The following CHL1 variants were observed in gnomAD, a reference collection of about 807,000 sequenced individuals.
The protein encoded by CHL1 is cell adhesion molecule L1 like, also known as neural cell adhesion molecule L1-like protein.
In CHL1, 96 loss-of-function variants were observed where a neutral mutation model predicts 141.9. The observed-to-expected ratio is 0.68, with a 90% CI of 0.57 to 0.80. The LOEUF (loss-of-function observed/expected upper bound fraction) is 0.80. Among genes scored for constraint, CHL1 ranks in the 30% least tolerant of loss-of-function variants. The pLI is 0.00. For synonymous variants in CHL1, 613 were observed against 502.2 expected, an observed-to-expected ratio of 1.22 and a Z score of -2.95; for missense variants, 1,820 against 1,457.2, an observed-to-expected ratio of 1.25 and a Z score of -4.05.
chr3:234,461 G>C (rs1691747009), intron 1 of CHL1, among the ~76,000 whole-genome samples: 2 of 152,100 alleles, frequency 1.3e-5, no homozygotes, highest in Admixed American at 6.6e-5. Flanking sequence ...TAGTTATCAA[G>C]ACTAAAATAC....
intron 1 of CHL1, among the ~76,000 whole-genome samples, chr3:229,636 T>C (rs139778108): frequency 6.6e-6 from 1 of 152,262 alleles, no homozygotes; most frequent in East Asian, 1.9e-4. Context: ...TTCCACATAA[T>C]AGCTTAGTTC....
In CHL1 at chr3:234,224, T is replaced by C. The variant is rs549626924; in HGVS notation, c.-174-10389T>C. Among the ~76,000 whole-genome samples, 4 of 151,522 alleles carry C rather than the reference T, an allele frequency of 2.6e-5. No homozygotes were observed. The East Asian group carries it at 7.8e-4, about 29-fold the overall frequency. On this transcript the variant is annotated intron_variant, in intron 1 of 27. Transcript: ENST00000256509. Reference sequence around the variant, plus strand: ...ATATATATATGTATATATGTATGTATGTATACATATATATTTGTATTTTAC... The same window carrying C: ...ATATATATATGTATATATGTATGTACGTATACATATATATTTGTATTTTAC...
intron 2 of CHL1, among the ~76,000 whole-genome samples, chr3:314,967 A>G (rs190251406): frequency 6.6e-6 from 1 of 152,218 alleles, no homozygotes. Flanking sequence ...AGAGTATTTT[A>G]TATCAATCAA....
chr3:266,693 GC>G (rs1417298073), intron 2 of CHL1, among the ~76,000 whole-genome samples: 1 of 152,168 alleles, frequency 6.6e-6, no homozygotes. Context: ...AGCAAATAAA[GC>G]AAGAGCAAAT....
Position 242,193 on chromosome 3 carries a change from A to G in CHL1, c.-174-2420A>G, listed in dbSNP as rs556420262. Among the ~76,000 whole-genome samples, 5 of 152,264 alleles carry G rather than the reference A, an allele frequency of 3.3e-5. No homozygotes were observed. The East Asian group carries it at 5.8e-4, about 18-fold the overall frequency. ...TACATGTGTGTGTATGTATATATAT[A>G]TGTGTGTGTATATATTTCCATATTT... On this transcript the variant is annotated intron_variant, in intron 1 of 27. Coordinates refer to ENST00000256509, the MANE Select transcript of CHL1 (RefSeq NM_006614.4).
chr3:359,731 G>GA (rs1486586367), intron 11 of CHL1, among the ~76,000 whole-genome samples: 1 of 152,158 alleles, frequency 6.6e-6, no homozygotes, highest in Non-Finnish European at 1.5e-5. Flanking sequence ...GTCTTCCTGG[G>GA]AAAATGAAAT....
In CHL1 at chr3:401,535, TCTTA is replaced by T. The variant is rs1709136578; in HGVS notation, c.3386-88_3386-85del. 6 of 736,054 alleles carry T rather than the reference TCTTA, an allele frequency of 8.2e-6. No individual in the cohort carries two copies. In the Admixed American group the frequency reaches 1.6e-4, roughly 19 times the overall value. The allele number at this position is 736,054 out of a possible 1,614,324, so 45.6% of individuals were successfully genotyped here. A position where few individuals can be genotyped will look rare whatever the true frequency, so the allele number is the denominator to read the frequency against. On this transcript the variant is annotated intron_variant, in intron 26 of 27. Coordinates refer to ENST00000256509, the MANE Select transcript of CHL1 (RefSeq NM_006614.4). ...TATCAAAACATTTGAGCAATGCTGT[TCTTA>T]CTGACTATTAACTATTCCACAGCAC...
chr3:360,521 TGGAG>T, intron 12 of CHL1, 97 bp downstream of exon 12: 1 of 1,224,190 alleles, frequency 8.2e-7, no homozygotes, highest in Non-Finnish European at 1.1e-6. Flanking sequence ...ACATAATATA[TGGAG>T]GGAAAAATCA....
At chr3:360,150 A>G (rs1018095396) in intron 11 of CHL1, 134 bp from the exon 12 acceptor site, 8 of 868,876 alleles carry the variant, frequency 9.2e-6, no homozygotes, top group Non-Finnish European at 1.4e-5. Flanking sequence ...AACCTAAAGA[A>G]TTGGCTTCAA....
intron 4 of CHL1, 108 bp downstream of exon 4, chr3:326,172 A>T (rs1301167726): frequency 1.5e-6 from 1 of 646,262 alleles, no homozygotes; most frequent in Admixed American, 3.3e-5. Flanking sequence ...ACGCATGATT[A>T]AAGCTAAGGG....
intron 27 of CHL1, among the ~76,000 whole-genome samples, chr3:402,136 T>A (rs1331845122): frequency 6.6e-6 from 1 of 152,204 alleles, no homozygotes; most frequent in East Asian, 1.9e-4. Flanking sequence ...AAATATCCTA[T>A]ATATGCAAAT....
At chr3:215,140 A>C (rs162733) in intron 1 of CHL1, among the ~76,000 whole-genome samples, 1 of 151,902 alleles carries the variant, frequency 6.6e-6, no homozygotes, top group East Asian at 1.9e-4. Flanking sequence ...CATTATTTAC[A>C]ATAGCCAAGA....
intron 2 of CHL1, among the ~76,000 whole-genome samples, chr3:252,399 T>TATATATATA (rs1693789458): frequency 7.0e-6 from 1 of 143,388 alleles, no homozygotes; most frequent in African/African-American, 2.5e-5. Context: ...TATATATATA[T>TATATATATA]ATTTCTATTT....
chr3:371,892 T>C (rs149687872), intron 15 of CHL1, among the ~76,000 whole-genome samples: 1 of 152,206 alleles, frequency 6.6e-6, no homozygotes, highest in African/African-American at 2.4e-5. Context: ...TATGAAATTC[T>C]GGGCTGAAAA....
chr3:326,158 A>C (rs554682571), intron 4 of CHL1, 94 bp downstream of exon 4: 1 of 706,746 alleles, frequency 1.4e-6, no homozygotes, highest in Admixed American at 2.9e-5. Flanking sequence ...TGGACTATGA[A>C]TCCACGCATG....
chr3:350,649 A>C (rs144970736), intron 10 of CHL1, among the ~76,000 whole-genome samples: 6 of 151,920 alleles, frequency 3.9e-5, no homozygotes, highest in African/African-American at 1.4e-4. Context: ...CCTCCCAAGT[A>C]AATGTTAACA....
At position 349,063 on chromosome 3, in the gene CHL1, C is replaced by T. The variant is rs570005423; in HGVS notation, c.849-296C>T. 5.3e-5 allele frequency among the ~76,000 whole-genome samples: 8 copies of T among 152,302 alleles called. No individual in the cohort carries two copies. In the South Asian group the frequency reaches 1.7e-3, roughly 32 times the overall value. On this transcript the variant is annotated intron_variant, in intron 9 of 27. Coordinates refer to ENST00000256509, the MANE Select transcript of CHL1 (RefSeq NM_006614.4). ...CAATGAGCTCCAGCTATTTTTCCTTCGCTCAGCCACACCTAGTCAGCACTT... is the reference window on the plus strand; with the variant it reads ...CAATGAGCTCCAGCTATTTTTCCTTTGCTCAGCCACACCTAGTCAGCACTT...
intron 2 of CHL1, among the ~76,000 whole-genome samples, chr3:261,211 CT>C (rs1201557221): frequency 6.6e-6 from 1 of 152,102 alleles, no homozygotes; most frequent in African/African-American, 2.4e-5. Flanking sequence ...AAGCCAGCCC[CT>C]GATCTGTTTA....
intron 2 of CHL1, among the ~76,000 whole-genome samples, chr3:262,558 CTAGATCTACACAGTACTCA>C (rs1694820776): frequency 6.6e-6 from 1 of 151,170 alleles, no homozygotes; most frequent in African/African-American, 2.4e-5. Context: ...ACGTTTAAGC[CTAGATCTACACAGTACTCA>C]CAGGGCAGGA....
Sources: allele counts gnomAD v4.1 joint callset (sites outside exome capture counted in the v4.1 genomes callset), GRCh38; gene constraint gnomAD v4.1.1; transcripts MANE v1.5; gene names NCBI Gene and HGNC (gene_info 2026-07-23, HGNC 2026-07-21).